NELL1: variants seen among roughly 807,000 people sequenced by gnomAD.
NELL1 encodes neural EGFL like 1.
Under a neutral mutation model 107.4 loss-of-function variants are expected in NELL1, and 76 were observed. The ratio of observed to expected loss-of-function variants is 0.71; its 90% confidence interval spans 0.59 to 0.86. The LOEUF is 0.86. NELL1 is among the 40% of genes least tolerant of loss of function. The pLI is 0.00. For missense variants in NELL1, 1,024 were observed against 1,005.5 expected (o/e 1.02, Z -0.25); for synonymous variants, 353 against 341.2 (o/e 1.03, Z -0.38).
At chr11:20,872,472 G>A (rs1849220419) in intron 4 of NELL1, among the ~76,000 whole-genome samples, 2 of 152,144 alleles carry the variant, frequency 1.3e-5, no homozygotes, top group South Asian at 2.1e-4. Context: ...TGAGCCACAT[G>A]GGGCCAGGCT....
chr11:21,399,715 T>G (rs764921644), intron 15 of NELL1, among the ~76,000 whole-genome samples: 1 of 151,760 alleles, frequency 6.6e-6, no homozygotes, highest in Admixed American at 6.6e-5. Context: ...ACGGCAGACC[T>G]AGGGCTTGAA....
chr11:21,522,834 CTTTTTTTTTTTTT>C (rs66707466), intron 15 of NELL1, among the ~76,000 whole-genome samples: 1 of 68,438 alleles, frequency 1.5e-5, no homozygotes, highest in East Asian at 4.3e-4. Context: ...TTTTTCTTTT[CTTTTTTTTTTTTT>C]TTTTTTTTTT....
At chr11:21,129,078 C>T (rs993647057) in intron 13 of NELL1, among the ~76,000 whole-genome samples, 8 of 152,186 alleles carry the variant, frequency 5.3e-5, no homozygotes, top group Non-Finnish European at 1.2e-4. Flanking sequence ...CCCTTTTCCT[C>T]TTGACTCTAT....
intron 15 of NELL1, among the ~76,000 whole-genome samples, chr11:21,399,049 A>G (rs1159795417): frequency 1.3e-5 from 2 of 151,440 alleles, no homozygotes; most frequent in Non-Finnish European, 3.0e-5. Flanking sequence ...AAGAAAGAAA[A>G]AAAAAATATT....
rs552051827 is a variant in NELL1, at chr11:20,800,193, G to A, written c.335+16363G>A. On this transcript the variant is annotated intron_variant, in intron 3 of 19. Transcript: ENST00000357134. Reference sequence around the variant, plus strand: ...TACTAGTGTATGTGTCCTTTCGATAGAATGAATTCTTTTCCTTTGAATGCT... The same window carrying A: ...TACTAGTGTATGTGTCCTTTCGATAAAATGAATTCTTTTCCTTTGAATGCT... Among the ~76,000 whole-genome samples, 356 of 152,254 alleles carry A rather than the reference G, an allele frequency of 2.3e-3. 1 individual carries two copies. The highest frequency in any genetic ancestry group is 8.4e-3 in the African/African-American group (348 of 41,552).
chr11:20,720,676 G>C (rs1855359890), intron 2 of NELL1, among the ~76,000 whole-genome samples: 1 of 152,142 alleles, frequency 6.6e-6, no homozygotes, highest in Admixed American at 6.5e-5. Flanking sequence ...GGAAGGGTCT[G>C]TTATGGGGCT....
chr11:20,692,893 G>T (rs1439922628), intron 2 of NELL1, among the ~76,000 whole-genome samples: 1 of 152,154 alleles, frequency 6.6e-6, no homozygotes, highest in Non-Finnish European at 1.5e-5. Flanking sequence ...GGGTGTTAAA[G>T]TCTCCCATTA....
intron 13 of NELL1, among the ~76,000 whole-genome samples, chr11:21,133,435 T>G (rs1473167231): frequency 6.6e-6 from 1 of 152,140 alleles, no homozygotes; most frequent in Non-Finnish European, 1.5e-5. Context: ...GGAGCCTGTC[T>G]GCCTCTTGCC....
rs192132532 is a variant in NELL1 at position 21,404,130 on chromosome 11, G to A, written c.1645+33182G>A. Among the ~76,000 whole-genome samples the A allele has an allele frequency of 6.6e-5, 10 of 150,562 alleles. No homozygotes were observed. In the East Asian group the frequency reaches 1.8e-3, roughly 27 times the overall value. ...ACATGTGACAGTCAAGCAACTTTGT[G>A]TCTCAGGCCTGCACTTTAGAAACAG... On this transcript the variant is annotated intron_variant, in intron 15 of 19. Transcript: ENST00000357134.
intron 2 of NELL1, among the ~76,000 whole-genome samples, chr11:20,688,033 AT>A (rs34708390): frequency 0.2 from 30,505 of 151,810 alleles, 3,339 homozygotes; most frequent in African/African-American, 0.25. Flanking sequence ...AACCATACAG[AT>A]TTTTTTTCCT....
intron 15 of NELL1, among the ~76,000 whole-genome samples, chr11:21,505,068 ACTT>A (rs1197190824): frequency 6.6e-6 from 1 of 152,134 alleles, no homozygotes; most frequent in East Asian, 1.9e-4. Context: ...AGTTATGTTT[ACTT>A]CTTCATTGCT....
chr11:21,085,362 AGT>A (rs1854365599), intron 12 of NELL1, among the ~76,000 whole-genome samples: 1 of 152,210 alleles, frequency 6.6e-6, no homozygotes, highest in Non-Finnish European at 1.5e-5. Context: ...GTCTGGGCAC[AGT>A]GTCTCACACC....
In NELL1 at chr11:20,991,994, A is replaced by G. The variant is rs1430457871; in HGVS notation, c.1300+31434A>G. ...CTTTCAAAGCCAGTGTAGCATGCAA[A>G]AAAAAAAAAAAAAAAAAGTTGAAAA... On this transcript the variant is annotated intron_variant, in intron 12 of 19. Coordinates refer to ENST00000357134, the MANE Select transcript of NELL1 (RefSeq NM_006157.5). Among the ~76,000 whole-genome samples, 9 of 147,276 alleles carry G rather than the reference A, an allele frequency of 6.1e-5. No homozygotes were observed. The East Asian group carries it at 1.8e-3, about 30-fold the overall frequency.
intron 14 of NELL1, among the ~76,000 whole-genome samples, chr11:21,347,992 C>T (rs1033049467): frequency 6.6e-6 from 1 of 152,172 alleles, no homozygotes. Flanking sequence ...AGCTTTGGAA[C>T]TGAAAAGGCT....
At chr11:20,802,218 G>A (rs1011481569) in intron 3 of NELL1, among the ~76,000 whole-genome samples, 4 of 152,058 alleles carry the variant, frequency 2.6e-5, no homozygotes, top group Admixed American at 2.0e-4. Flanking sequence ...ATCCATGAAT[G>A]TGGAATGTTT....
intron 4 of NELL1, among the ~76,000 whole-genome samples, chr11:20,868,800 A>G (rs559130876): frequency 6.6e-6 from 1 of 152,310 alleles, no homozygotes; most frequent in East Asian, 1.9e-4. Context: ...ATTAAATTTT[A>G]TATAAAAGAG....
intron 12 of NELL1, among the ~76,000 whole-genome samples, chr11:21,010,536 G>A (rs1357953408): frequency 6.6e-6 from 1 of 152,066 alleles, no homozygotes; most frequent in African/African-American, 2.4e-5. Context: ...CCTAACAGCT[G>A]ACTGAAGACA....
At chr11:20,758,491 G>C (rs1358671331) in intron 2 of NELL1, among the ~76,000 whole-genome samples, 2 of 152,152 alleles carry the variant, frequency 1.3e-5, no homozygotes, top group Non-Finnish European at 2.9e-5. Flanking sequence ...GAGGCATTTT[G>C]AGTTAGAACC....
chr11:21,090,027 G>A (rs1464706585), intron 12 of NELL1, among the ~76,000 whole-genome samples: 2 of 152,116 alleles, frequency 1.3e-5, no homozygotes, highest in Non-Finnish European at 2.9e-5. Context: ...AGAGAGGCAG[G>A]GCTTCCTATG....
Sources: allele counts gnomAD v4.1 joint callset (sites outside exome capture counted in the v4.1 genomes callset), GRCh38; gene constraint gnomAD v4.1.1; transcripts MANE v1.5; gene names NCBI Gene and HGNC (gene_info 2026-07-23, HGNC 2026-07-21).